SUCLG2: variants seen among roughly 807,000 people sequenced by gnomAD.
SUCLG2 encodes the protein succinate-CoA ligase GDP-forming subunit beta.
In SUCLG2, 42 loss-of-function variants were observed where a neutral mutation model predicts 47.9. That is an observed-to-expected ratio of 0.88 (90% CI 0.69 to 1.14). The LOEUF (loss-of-function observed/expected upper bound fraction) is 1.14, where lower values mean the gene tolerates loss of function less well. Ranked by LOEUF, SUCLG2 falls within the 50% of genes most tolerant of loss-of-function variation. The probability of loss-of-function intolerance (pLI) is 0.00; values close to 1 mark genes in which losing one functional copy is unlikely to be tolerated. For missense variants in SUCLG2, 571 were observed against 525.9 expected (o/e 1.09, Z -0.84); for synonymous variants, 195 against 197.3 (o/e 0.99, Z 0.10).
intron 9 of SUCLG2, among the ~76,000 whole-genome samples, chr3:67,475,988 C>CT (rs1704741948): frequency 1.0e-4 from 15 of 146,130 alleles, no homozygotes; most frequent in African/African-American, 3.7e-4. Flanking sequence ...TTTCCTTCTC[C>CT]CTCTCTCTCT....
At chr3:67,493,782 G>A (rs966492528) in intron 9 of SUCLG2, among the ~76,000 whole-genome samples, 1 of 152,132 alleles carries the variant, frequency 6.6e-6, no homozygotes, top group Non-Finnish European at 1.5e-5. Context: ...GAATCTCTGG[G>A]AGGAAAATGA....
chr3:67,405,765 T>C (rs1198480340), intron 9 of SUCLG2, among the ~76,000 whole-genome samples: 1 of 152,228 alleles, frequency 6.6e-6, no homozygotes, highest in African/African-American at 2.4e-5. Flanking sequence ...GGGCAAAGTG[T>C]ACATAATCCT....
intron 10 of SUCLG2, chr3:67,376,166 C>G (rs1702031472): frequency 1.1e-6 from 1 of 917,478 alleles, no homozygotes; most frequent in Non-Finnish European, 1.3e-6. Context: ...TGGCCCACAC[C>G]AGAAGTCACT....
chr3:67,541,947 C>A (rs1706724888), intron 2 of SUCLG2, among the ~76,000 whole-genome samples: 1 of 151,776 alleles, frequency 6.6e-6, no homozygotes, highest in Admixed American at 6.6e-5. Context: ...TGGCTCGCTG[C>A]AACCTCCTCC....
chr3:67,634,802 G>A (rs1559606400), intron 1 of SUCLG2, among the ~76,000 whole-genome samples: 2 of 152,148 alleles, frequency 1.3e-5, no homozygotes. Context: ...GGAATCTGCT[G>A]AAACTCAGTG....
At chr3:67,554,800 G>A (rs1023861204) in intron 2 of SUCLG2, among the ~76,000 whole-genome samples, 4 of 151,968 alleles carry the variant, frequency 2.6e-5, no homozygotes, top group African/African-American at 7.3e-5. Flanking sequence ...AAAATCACAC[G>A]CCCACAACTA....
chr3:67,511,728 T>C (rs1386209835), intron 6 of SUCLG2, among the ~76,000 whole-genome samples: 2 of 152,210 alleles, frequency 1.3e-5, no homozygotes, highest in Non-Finnish European at 2.9e-5. Flanking sequence ...TATGAATGAG[T>C]TTAGGCATTA....
At chr3:67,568,686 G>C (rs1707531813) in intron 2 of SUCLG2, among the ~76,000 whole-genome samples, 1 of 152,252 alleles carries the variant, frequency 6.6e-6, no homozygotes, top group African/African-American at 2.4e-5. Context: ...AGGAGATCGA[G>C]ACCATCCTGG....
At chr3:67,421,164 A>C (rs527889850) in intron 9 of SUCLG2, among the ~76,000 whole-genome samples, 1 of 152,234 alleles carries the variant, frequency 6.6e-6, no homozygotes, top group South Asian at 2.1e-4. Context: ...CCATCTGACC[A>C]TGCAGCTTAC....
intron 10 of SUCLG2, among the ~76,000 whole-genome samples, chr3:67,364,964 T>C (rs1575650514): frequency 1.3e-5 from 2 of 152,018 alleles, no homozygotes; most frequent in East Asian, 3.9e-4. Context: ...AGAAACAGGA[T>C]AGAAAGAACC....
chr3:67,431,302 T>A (rs1414901702), intron 9 of SUCLG2, among the ~76,000 whole-genome samples: 3 of 152,146 alleles, frequency 2.0e-5, no homozygotes. Flanking sequence ...GTTCAACATA[T>A]GCAAATCAAT....
chr3:67,550,069 C>T (rs1269311686), intron 2 of SUCLG2, among the ~76,000 whole-genome samples: 1 of 152,182 alleles, frequency 6.6e-6, no homozygotes, highest in African/African-American at 2.4e-5. Flanking sequence ...AAAATTGACA[C>T]TTCTGAATTC....
chr3:67,638,975 G>GA (rs201073518), intron 1 of SUCLG2, among the ~76,000 whole-genome samples: 19 of 151,620 alleles, frequency 1.3e-4, no homozygotes, highest in Admixed American at 8.5e-4. Flanking sequence ...AAGAAAATAA[G>GA]AAAAAAAAAT....
intron 8 of SUCLG2, among the ~76,000 whole-genome samples, chr3:67,496,340 T>C (rs73088934): frequency 0.03 from 4,494 of 152,258 alleles, 91 homozygotes; most frequent in African/African-American, 0.059. Flanking sequence ...GACCTATGAA[T>C]TACATTCTTT....
chr3:67,651,322 C>A (rs1701281291), intron 1 of SUCLG2, among the ~76,000 whole-genome samples: 1 of 152,134 alleles, frequency 6.6e-6, no homozygotes, highest in African/African-American at 2.4e-5. Context: ...AGTCTACTAC[C>A]ACTTTCCCCC....
intron 9 of SUCLG2, among the ~76,000 whole-genome samples, chr3:67,452,113 C>T (rs1369734035): frequency 6.6e-6 from 1 of 152,180 alleles, no homozygotes; most frequent in African/African-American, 2.4e-5. Context: ...TGGTGATTAA[C>T]TCCTCTCCAG....
chr3:67,444,224 G>C (rs1424468772), intron 9 of SUCLG2, among the ~76,000 whole-genome samples: 8 of 45,370 alleles, frequency 1.8e-4, no homozygotes, highest in African/African-American at 5.6e-4. Context: ...CTGCCCGGCC[G>C]CCCCTACTGG....
intron 1 of SUCLG2, among the ~76,000 whole-genome samples, chr3:67,618,845 T>C (rs1049017293): frequency 1.3e-5 from 2 of 151,958 alleles, no homozygotes; most frequent in East Asian, 1.9e-4. Flanking sequence ...TTAATTAGAG[T>C]GGATAGCTAG....
intron 9 of SUCLG2, among the ~76,000 whole-genome samples, chr3:67,415,551 A>G (rs1703021204): frequency 6.6e-6 from 1 of 152,110 alleles, no homozygotes; most frequent in Non-Finnish European, 1.5e-5. Context: ...ATAATCCTAA[A>G]CCCTCATGTG....
Sources: gnomAD v4.1 joint callset for allele counts (sites outside exome capture counted in the v4.1 genomes callset) on GRCh38, gnomAD v4.1.1 for gene constraint, MANE v1.5 for transcripts, NCBI Gene and HGNC (gene_info 2026-07-23, HGNC 2026-07-21) for gene names.